PLEKHA5: variants seen among roughly 807,000 people sequenced by gnomAD.
PLEKHA5 encodes pleckstrin homology domain containing A5, also known as pleckstrin homology domain-containing family A member 5.
PLEKHA5 carries 55 observed loss-of-function variants against 181.9 expected under a neutral mutation model. The ratio of observed to expected loss-of-function variants is 0.30; its 90% CI spans 0.24 to 0.38. The LOEUF (loss-of-function observed/expected upper bound fraction) is 0.38, where lower values mean the gene tolerates loss of function less well. PLEKHA5 is among the 10% of genes least tolerant of loss of function. PLEKHA5 has a pLI of 1.00. For missense variants in PLEKHA5, 1,432 were observed against 1,549.5 expected, an observed-to-expected ratio of 0.92 and a Z score of 1.27; for synonymous variants, 535 against 529.4, an observed-to-expected ratio of 1.01 and a Z score of -0.15.
intron 3 of PLEKHA5, among the ~76,000 whole-genome samples, chr12:19,161,638 A>G (rs1312298719): frequency 6.6e-6 from 1 of 152,230 alleles, no homozygotes; most frequent in African/African-American, 2.4e-5. Flanking sequence ...TGATGTAATG[A>G]TAAAATTTTG....
chr12:19,220,383 G>T (rs764574820), intron 3 of PLEKHA5, among the ~76,000 whole-genome samples: 13 of 152,018 alleles, frequency 8.6e-5, no homozygotes, highest in Non-Finnish European at 1.6e-4. Context: ...CATCTAGCTT[G>T]CAGTCTGCGT....
intron 3 of PLEKHA5, among the ~76,000 whole-genome samples, chr12:19,184,516 G>A (rs146809008): frequency 6.6e-6 from 1 of 152,304 alleles, no homozygotes; most frequent in African/African-American, 2.4e-5. Context: ...ACAATGAAAT[G>A]GGATAAGTAC....
intron 3 of PLEKHA5, among the ~76,000 whole-genome samples, chr12:19,211,288 T>C (rs538143945): frequency 6.6e-6 from 1 of 152,250 alleles, no homozygotes; most frequent in East Asian, 1.9e-4. Flanking sequence ...AAGGCTACTT[T>C]CTGTGGCAAA....
intron 3 of PLEKHA5, among the ~76,000 whole-genome samples, chr12:19,137,794 C>T (rs1428267034): frequency 6.6e-6 from 1 of 152,154 alleles, no homozygotes; most frequent in Non-Finnish European, 1.5e-5. Flanking sequence ...GCTCAATATC[C>T]TCCTTGTATT....
intron 26 of PLEKHA5, among the ~76,000 whole-genome samples, chr12:19,356,150 G>C (rs1224277179): frequency 6.6e-6 from 1 of 151,358 alleles, no homozygotes; most frequent in Non-Finnish European, 1.5e-5. Context: ...GGGCAACAGA[G>C]TGAGACTCTG....
chr12:19,191,465 T>C (rs2051101764), intron 3 of PLEKHA5, among the ~76,000 whole-genome samples: 1 of 152,208 alleles, frequency 6.6e-6, no homozygotes, highest in Non-Finnish European at 1.5e-5. Context: ...TTGGTTGTTG[T>C]TGTTGTCAGT....
intron 29 of PLEKHA5, among the ~76,000 whole-genome samples, chr12:19,364,726 A>G (rs966033911): frequency 6.6e-6 from 1 of 151,552 alleles, no homozygotes; most frequent in Non-Finnish European, 1.5e-5. Flanking sequence ...CAGTGGCGCA[A>G]TCTTGGCTCA....
intron 3 of PLEKHA5, among the ~76,000 whole-genome samples, chr12:19,170,708 G>A (rs1364871345): frequency 5.3e-5 from 8 of 152,162 alleles, no homozygotes; most frequent in East Asian, 1.9e-4. Flanking sequence ...GTGAGCCACC[G>A]TGCCCAGCCT....
chr12:19,151,493 A>C (rs906081620), intron 3 of PLEKHA5: 1 of 152,108 alleles, frequency 6.6e-6, no homozygotes, highest in Non-Finnish European at 1.5e-5. Flanking sequence ...CATTTGGCCA[A>C]GAGTGGTGGT....
intron 3 of PLEKHA5, among the ~76,000 whole-genome samples, chr12:19,166,118 A>G (rs2044308818): frequency 6.6e-6 from 1 of 152,068 alleles, no homozygotes; most frequent in South Asian, 2.1e-4. Flanking sequence ...TTCTTCAGTA[A>G]CATTATGCTG....
intron 16 of PLEKHA5, among the ~76,000 whole-genome samples, chr12:19,318,317 A>C (rs1344437664): frequency 6.6e-6 from 1 of 152,096 alleles, no homozygotes; most frequent in Non-Finnish European, 1.5e-5. Flanking sequence ...TGATATGTAT[A>C]ATATATTTAT....
intron 3 of PLEKHA5, among the ~76,000 whole-genome samples, chr12:19,191,457 GGTT>G (rs1565446791): frequency 2.0e-5 from 3 of 152,106 alleles, no homozygotes; most frequent in African/African-American, 4.8e-5. Context: ...CGGCCTAATT[GGTT>G]GTTGTTGTTG....
At chr12:19,333,057 G>A (rs2093004229) in intron 20 of PLEKHA5, among the ~76,000 whole-genome samples, 1 of 152,132 alleles carries the variant, frequency 6.6e-6, no homozygotes, top group Admixed American at 6.6e-5. Context: ...CATTCAGGCG[G>A]GCAGATCACC....
intron 3 of PLEKHA5, among the ~76,000 whole-genome samples, chr12:19,204,626 C>T (rs955156543): frequency 2.6e-5 from 4 of 152,076 alleles, no homozygotes; most frequent in African/African-American, 9.7e-5. Flanking sequence ...AAACTTGCAA[C>T]ATTATTTAAA....
At chr12:19,307,022 C>T (rs2084086465) in intron 15 of PLEKHA5, 1 of 1,487,214 alleles carries the variant, frequency 6.7e-7, no homozygotes, top group Non-Finnish European at 9.3e-7. Context: ...ACTCTTGTTC[C>T]TGCCCTTGCT....
At position 19,130,017 on chromosome 12, in the gene PLEKHA5, C is replaced by G. The variant is rs765003320; in HGVS notation, c.90-34C>G. The G allele has an allele frequency of 1.3e-5, 20 of 1,532,902 alleles. No homozygotes were observed. In the South Asian group the frequency reaches 2.0e-4, roughly 15 times the overall value. 95.0% of individuals were successfully genotyped at this position (1,532,902 alleles called of 1,614,324 possible). ...CGGCTCGCCCCCGCGTCCCCTCTCA[C>G]GCTCCGTGTCTGCCCCTTCTCTCAC... On this transcript the variant is annotated intron_variant, in intron 1 of 31. Coordinates refer to ENST00000429027, the MANE Select transcript of PLEKHA5 (RefSeq NM_001256470.2). The surrounding 1 kb of genome is among the most constrained non-coding windows in gnomAD (Gnocchi z 4.5).
At chr12:19,370,902 T>TTAGTAAGGTGGACTTAGTAAGTA (rs1276486629) in intron 31 of PLEKHA5, 2 of 152,072 alleles carry the variant, frequency 1.3e-5, no homozygotes, top group African/African-American at 4.8e-5. Context: ...TTGTCCACGC[T>TTAGTAAGGTGGACTTAGTAAGTA]GGTCTCAAAC....
At position 19,135,748 on chromosome 12, in the gene PLEKHA5, T is replaced by TA. The variant is rs537895863; in HGVS notation, c.227+3299dup. Among the ~76,000 whole-genome samples the TA allele has an allele frequency of 4.6e-5, 7 of 152,330 alleles. No individual in the cohort carries two copies. The South Asian group carries it at 1.4e-3, about 32-fold the overall frequency. On this transcript the variant is annotated intron_variant, in intron 3 of 31. Coordinates refer to ENST00000429027, the MANE Select transcript of PLEKHA5 (RefSeq NM_001256470.2). ...TTGTATAGGTTTGAGTTAATCAGTT[T>TA]ATTTTATACACTTTGAAATTGGTTC... is the stretch of plus-strand genomic sequence containing the variant.
In PLEKHA5 at chr12:19,188,540, A is replaced by G. The variant is rs531277529; in HGVS notation, c.227+56090A>G. On this transcript the variant is annotated intron_variant, in intron 3 of 31. Transcript: ENST00000429027. ...AAGATTTCAATCATATTAGATTAGA[A>G]ATGATGTTTCTGGTTCTGAAATTTT... 4.6e-5 allele frequency among the ~76,000 whole-genome samples: 7 copies of G among 152,326 alleles called. No individual in the cohort carries two copies. In the East Asian group the frequency reaches 9.6e-4, roughly 21 times the overall value.
Sources: gnomAD v4.1 joint callset for allele counts (sites outside exome capture counted in the v4.1 genomes callset) on GRCh38, gnomAD v4.1.1 for gene constraint, Gnocchi (gnomAD v3.1) non-coding constraint, MANE v1.5 for transcripts, NCBI Gene and HGNC (gene_info 2026-07-23, HGNC 2026-07-21) for gene names.